Variants in ARL5B observed in about 807,000 individuals in gnomAD.
The protein encoded by ARL5B is ARF like GTPase 5B, also known as ADP-ribosylation factor-like protein 5B.
ARL5B carries 10 observed loss-of-function variants against 26.9 expected under a neutral mutation model. The ratio of observed to expected loss-of-function variants is 0.37; its 90% CI spans 0.23 to 0.63. The LOEUF (loss-of-function observed/expected upper bound fraction) is 0.63. ARL5B is among the 30% of genes least tolerant of loss of function. The pLI is 0.62. For synonymous variants in ARL5B, 87 were observed against 70.4 expected, an observed-to-expected ratio of 1.24 and a Z score of -1.18; for missense variants, 167 against 213.9, an observed-to-expected ratio of 0.78 and a Z score of 1.37.
chr10:18,665,447 TC>T (rs1270029540), intron 1 of ARL5B, among the ~76,000 whole-genome samples: 9 of 152,220 alleles, frequency 5.9e-5, no homozygotes, highest in Non-Finnish European at 1.2e-4. Context: ...TGTCTGTTTA[TC>T]CTGCACTGTA....
At chr10:18,666,970 A>C (rs904504978) in intron 2 of ARL5B, among the ~76,000 whole-genome samples, 5 of 152,246 alleles carry the variant, frequency 3.3e-5, no homozygotes, top group African/African-American at 1.2e-4. Context: ...TGATAGCTCT[A>C]GGAAGCCATT....
intron 1 of ARL5B, among the ~76,000 whole-genome samples, chr10:18,660,725 CAT>C (rs142970211): frequency 3.1e-3 from 468 of 152,258 alleles, no homozygotes; most frequent in African/African-American, 0.011. Flanking sequence ...CAGGCACACA[CAT>C]GTGTATATAT....
intron 1 of ARL5B, among the ~76,000 whole-genome samples, chr10:18,666,027 A>G (rs1238183615): frequency 6.6e-6 from 1 of 152,260 alleles, no homozygotes; most frequent in Non-Finnish European, 1.5e-5. Flanking sequence ...AATGTTAAAC[A>G]ATGAGTAATT....
Position 18,660,887 on chromosome 10 carries a change from G to A in ARL5B, c.46+1204G>A, listed in dbSNP as rs116364580. On this transcript the variant is annotated intron_variant, in intron 1 of 5. Transcript: ENST00000377275. Reference sequence around the variant, plus strand: ...TTTTGAGGCAGAGTCTTTCTCTGTCGCCCAGGCTTCAGTGCAGTGGCGCAA... The same window carrying A: ...TTTTGAGGCAGAGTCTTTCTCTGTCACCCAGGCTTCAGTGCAGTGGCGCAA... Among the ~76,000 whole-genome samples the A allele has an allele frequency of 8.2e-3, 1,241 of 152,042 alleles. 21 individuals carry two copies. Among genetic ancestry groups the A allele is most frequent in the African/African-American group, 0.029 (1,191 of 41,480 alleles).
Position 18,673,760 on chromosome 10 carries a change from A to AT in ARL5B, c.340-213dup, listed in dbSNP as rs1000019736. 1.6e-3 allele frequency among the ~76,000 whole-genome samples: 233 copies of AT among 146,688 alleles called. 1 individual carries two copies. Among genetic ancestry groups the AT allele is most frequent in the African/African-American group, 4.2e-3 (170 of 40,198 alleles). On this transcript the variant is annotated intron_variant, in intron 4 of 5. Transcript: ENST00000377275. ...GAGTCAGTATTTAAAATTCAGGTGT[A>AT]TTTTTTTTTTTCAGTTTGACCAGTT...
intron 1 of ARL5B, among the ~76,000 whole-genome samples, chr10:18,660,793 A>G (rs1159952669): frequency 6.6e-6 from 1 of 152,218 alleles, no homozygotes; most frequent in Non-Finnish European, 1.5e-5. Flanking sequence ...AATGATTTCA[A>G]AGTGAGCAGA....
In ARL5B at chr10:18,677,495, A is replaced by G. The variant is rs926483645; in HGVS notation, c.*2279A>G. The G allele has an allele frequency of 1.4e-4, 22 of 152,292 alleles. No individual in the cohort carries two copies. The highest frequency in any genetic ancestry group is 5.1e-4 in the African/African-American group (21 of 41,410). 9.4% of individuals were successfully genotyped at this position (152,292 alleles called of 1,614,324 possible). ...AGACGGTGCTGATTGGGAAAAGTTCATGATTAGGAAATTCATGTAAGACTT... is the reference window on the plus strand; with the variant it reads ...AGACGGTGCTGATTGGGAAAAGTTCGTGATTAGGAAATTCATGTAAGACTT... On this transcript the variant is annotated 3_prime_UTR_variant, in exon 6 of 6. Coordinates refer to ENST00000377275, the MANE Select transcript of ARL5B (RefSeq NM_178815.5).
At position 18,659,491 on chromosome 10, in the gene ARL5B, G is replaced by A. The variant is rs2059815810; in HGVS notation, c.-147G>A. ...TCGTCGCGGCGCCTTCTGAGTGGTC[G>A]GGTCGAGGCTTCTCGGCCTAGCAGT... On this transcript the variant is annotated 5_prime_UTR_variant, in exon 1 of 6. Coordinates refer to ENST00000377275, the MANE Select transcript of ARL5B (RefSeq NM_178815.5). The A allele has an allele frequency of 8.7e-6, 9 of 1,039,750 alleles. No homozygotes were observed. In the South Asian group the frequency reaches 1.4e-4, roughly 16 times the overall value. The allele number at this position is 1,039,750 out of a possible 1,614,324, so 64.4% of individuals were successfully genotyped here. A position where few individuals can be genotyped will look rare whatever the true frequency, so the allele number is the denominator to read the frequency against.
At chr10:18,673,185 C>T (rs2059895628) in intron 4 of ARL5B, among the ~76,000 whole-genome samples, 2 of 151,992 alleles carry the variant, frequency 1.3e-5, no homozygotes, top group Admixed American at 1.3e-4. Flanking sequence ...CCTCAGCCTC[C>T]CGAGTAGCTG....
rs1040985059 is a variant in ARL5B, at chr10:18,659,762, G to A, written c.46+79G>A. On this transcript the variant is annotated intron_variant, in intron 1 of 5. Transcript: ENST00000377275. Reference sequence around the variant, plus strand: ...GCCGATGGGGACACCGGAGACAGGGGACAGAGCGTTCGGAGACGCGGAGGA... The same window carrying A: ...GCCGATGGGGACACCGGAGACAGGGAACAGAGCGTTCGGAGACGCGGAGGA... 5.7e-6 allele frequency: 9 copies of A among 1,578,616 alleles called. No individual in the cohort carries two copies. In the African/African-American group the frequency reaches 8.1e-5, roughly 14 times the overall value.
chr10:18,666,722 C>A, intron 2 of ARL5B, 87 bp downstream of exon 2: 5 of 1,115,968 alleles, frequency 4.5e-6, no homozygotes, highest in Non-Finnish European at 5.0e-6. Flanking sequence ...ATAATAATGA[C>A]GGAAAAACTT....
chr10:18,676,266 A>G lies in ARL5B; in HGVS notation c.*1050A>G, dbSNP rs1362819042. On this transcript the variant is annotated 3_prime_UTR_variant, in exon 6 of 6. Transcript: ENST00000377275. ...TAAAAAACTACATGGCTTTCCTTGA[A>G]TTTATTTGACGGTATTATGTAATAG... is the stretch of plus-strand genomic sequence containing the variant. The G allele has an allele frequency of 6.6e-6, 1 of 152,462 alleles. No individual in the cohort carries two copies. Among genetic ancestry groups the G allele is most frequent in the Non-Finnish European group, 1.5e-5 (1 of 67,890 alleles). The allele number at this position is 152,462 out of a possible 1,614,324, so 9.4% of individuals were successfully genotyped here.
At chr10:18,669,865 G>C (rs1363900543) in intron 3 of ARL5B, among the ~76,000 whole-genome samples, 5 of 151,846 alleles carry the variant, frequency 3.3e-5, no homozygotes, top group Non-Finnish European at 1.5e-5. Context: ...TGGTGGGGCA[G>C]ACTTGTAGTC....
Position 18,677,195 on chromosome 10 carries a change from A to G in ARL5B, c.*1979A>G, listed in dbSNP as rs1423886227. 2.0e-5 allele frequency: 3 copies of G among 151,896 alleles called. No individual in the cohort carries two copies. Among genetic ancestry groups the G allele is most frequent in the Non-Finnish European group, 4.4e-5 (3 of 67,740 alleles). The allele number at this position is 151,896 out of a possible 1,614,324, so 9.4% of individuals were successfully genotyped here. ...GTACTCCTGTATTTGTTCTTATGAA[A>G]TGACTATCTGCCTTCTTGTATCTAG... On this transcript the variant is annotated 3_prime_UTR_variant, in exon 6 of 6. Transcript: ENST00000377275.
At chr10:18,669,445 T>C (rs2059876818) in intron 3 of ARL5B, among the ~76,000 whole-genome samples, 1 of 152,152 alleles carries the variant, frequency 6.6e-6, no homozygotes, top group Admixed American at 6.5e-5. Context: ...TAGAAAAAAG[T>C]AGATTTGCAA....
intron 3 of ARL5B, among the ~76,000 whole-genome samples, chr10:18,670,758 A>G (rs2059883558): frequency 6.6e-6 from 1 of 152,232 alleles, no homozygotes; most frequent in African/African-American, 2.4e-5. Context: ...AGTTGATTCT[A>G]GTGAATCCAT....
rs1564867597 is a variant in ARL5B at position 18,675,154 on chromosome 10, T to G, written c.492-14T>G. ...TAAGGTTTTTAATTAAAAATACTTC[T>G]ATCTTTTGTTTAGGTTATGCCAAGG... On this transcript the variant is annotated splice_polypyrimidine_tract_variant and intron_variant, in intron 5 of 5. Coordinates refer to ENST00000377275, the MANE Select transcript of ARL5B (RefSeq NM_178815.5). 6.2e-7 allele frequency: 1 copy of G among 1,610,716 alleles called. No homozygotes were observed. The highest frequency in any genetic ancestry group is 8.5e-7 in the Non-Finnish European group (1 of 1,177,740).
chr10:18,664,514 C>G (rs181690458), intron 1 of ARL5B, among the ~76,000 whole-genome samples: 2 of 148,594 alleles, frequency 1.3e-5, no homozygotes, highest in South Asian at 2.2e-4. Flanking sequence ...CTCGGCTCAC[C>G]GCAAGCTCCG....
chr10:18,671,984 C>A (rs1208048759), intron 3 of ARL5B, among the ~76,000 whole-genome samples: 1 of 152,098 alleles, frequency 6.6e-6, no homozygotes, highest in Non-Finnish European at 1.5e-5. Context: ...ATGCAAACTC[C>A]CTTTTTTCAT....
Sources: allele counts gnomAD v4.1 joint callset (sites outside exome capture counted in the v4.1 genomes callset), GRCh38; gene constraint gnomAD v4.1.1; transcripts MANE v1.5; gene names NCBI Gene and HGNC (gene_info 2026-07-23, HGNC 2026-07-21).